The following RMDN2 variants were observed in gnomAD, a reference collection of about 807,000 sequenced individuals.
The protein encoded by RMDN2 is regulator of microtubule dynamics protein 2.
A neutral mutation model predicts 52.8 loss-of-function variants in RMDN2; 61 were observed. The ratio of observed to expected loss-of-function variants is 1.16; its 90% CI spans 0.94 to 1.43. RMDN2 has a LOEUF of 1.43. RMDN2 is among the 40% of genes most tolerant of loss of function. The pLI is 0.00. For missense variants in RMDN2, 592 were observed against 475.3 expected (o/e 1.25, Z -2.28); for synonymous variants, 180 against 153.1 (o/e 1.18, Z -1.30).
chr2:37,929,515 A>G lies in RMDN2; in HGVS notation c.238A>G (p.Asn80Asp). The G allele has an allele frequency of 6.4e-7, 1 of 1,551,820 alleles. No individual in the cohort carries two copies. Among genetic ancestry groups the G allele is most frequent in the Non-Finnish European group, 8.7e-7 (1 of 1,146,932 alleles). ...ERQLQILEKL[N>D]ELLTNMEELK... ...GCAACTTCAGATACTGGAGAAGTTA[A>G]ACGAATTACTGACAAATATGGAAGA... The change falls in exon 2 of 11, where the codon AAC becomes GAC. Residue 80 changes from asparagine (N) to aspartate (D), a missense_variant. Asn to Asp is a conservative substitution (Grantham distance 23). Transcript: ENST00000354545.
chr2:37,950,406 G>A (rs1347093673), intron 2 of RMDN2: 21 of 1,594,624 alleles, frequency 1.3e-5, no homozygotes, highest in Non-Finnish European at 9.4e-6. Context: ...ATAAACTGAT[G>A]TCATGAGATT....
rs140144127 is a variant in RMDN2 at position 37,994,019 on chromosome 2, G to T, written c.945+2722G>T. Among the ~76,000 whole-genome samples the T allele has an allele frequency of 1.6e-3, 244 of 152,258 alleles. 1 individual carries two copies. Among genetic ancestry groups the T allele is most frequent in the African/African-American group, 5.7e-3 (235 of 41,548 alleles). ...TTCACACCATAGAGAAATGGCAAAA[G>T]CACATGCTAATCCTCTGTAGAGGAA... On this transcript the variant is annotated intron_variant, in intron 7 of 10. Coordinates refer to ENST00000354545, the MANE Select transcript of RMDN2 (RefSeq NM_001170791.3).
intron 2 of RMDN2, among the ~76,000 whole-genome samples, chr2:37,944,232 A>T (rs1668035177): frequency 6.6e-6 from 1 of 151,788 alleles, no homozygotes; most frequent in African/African-American, 2.4e-5. Flanking sequence ...AGTTTGCTTT[A>T]GTTTTACAGT....
chr2:37,969,386 A>G (rs1486588154), intron 2 of RMDN2, among the ~76,000 whole-genome samples: 1 of 151,690 alleles, frequency 6.6e-6, no homozygotes, highest in Non-Finnish European at 1.5e-5. Context: ...TAATGTTTTC[A>G]GATATTATTT....
intron 10 of RMDN2, among the ~76,000 whole-genome samples, chr2:38,034,618 T>G (rs903755069): frequency 6.6e-6 from 1 of 151,966 alleles, no homozygotes; most frequent in Non-Finnish European, 1.5e-5. Flanking sequence ...ATTTTAATTT[T>G]AAAAATTTAT....
At chr2:38,043,196 G>A (rs1248625472) in intron 10 of RMDN2, among the ~76,000 whole-genome samples, 1 of 152,094 alleles carries the variant, frequency 6.6e-6, no homozygotes, top group African/African-American at 2.4e-5. Flanking sequence ...TACACATTGA[G>A]GATTGTTATG....
chr2:37,967,666 C>T (rs1005199918), intron 2 of RMDN2, among the ~76,000 whole-genome samples: 4 of 152,228 alleles, frequency 2.6e-5, no homozygotes, highest in Non-Finnish European at 4.4e-5. Flanking sequence ...GAGTATTCTT[C>T]TCCACCATGA....
intron 10 of RMDN2, chr2:38,028,090 T>C (rs534981543): frequency 9.2e-5 from 14 of 152,380 alleles, no homozygotes; most frequent in Admixed American, 2.0e-4. Context: ...TTTGCAATTG[T>C]AATTAATCAA....
chr2:38,058,250 G>C (rs547393992), intron 10 of RMDN2, among the ~76,000 whole-genome samples: 16 of 152,336 alleles, frequency 1.1e-4, no homozygotes, highest in African/African-American at 2.9e-4. Context: ...GCTAGGGAAG[G>C]GGGTGAAGGA....
intron 10 of RMDN2, among the ~76,000 whole-genome samples, chr2:38,050,221 A>C (rs4670809): frequency 0.45 from 67,857 of 151,168 alleles, 16,506 homozygotes; most frequent in East Asian, 0.79. Context: ...ATGTGCCTCC[A>C]CTCCTCTCAT....
chr2:38,051,830 T>G (rs1056484811), intron 10 of RMDN2, among the ~76,000 whole-genome samples: 1 of 152,228 alleles, frequency 6.6e-6, no homozygotes, highest in Non-Finnish European at 1.5e-5. Context: ...TCCAGTTCCA[T>G]CCATGTTACT....
intron 7 of RMDN2, among the ~76,000 whole-genome samples, chr2:37,996,622 G>T (rs903254972): frequency 1.4e-5 from 2 of 146,698 alleles, no homozygotes; most frequent in African/African-American, 2.6e-5. Context: ...AAAAAAAGAG[G>T]ATATTGGCTA....
intron 4 of RMDN2, among the ~76,000 whole-genome samples, chr2:37,978,069 G>C (rs996412237): frequency 6.6e-6 from 1 of 152,186 alleles, no homozygotes; most frequent in Non-Finnish European, 1.5e-5. Flanking sequence ...CTGCAATCCC[G>C]ACACCTCGGG....
intron 5 of RMDN2, among the ~76,000 whole-genome samples, chr2:37,986,789 A>T (rs1348029416): frequency 6.6e-6 from 1 of 152,056 alleles, no homozygotes; most frequent in East Asian, 1.9e-4. Context: ...AGCAAACTTT[A>T]TCAAGTTGAG....
intron 10 of RMDN2, among the ~76,000 whole-genome samples, chr2:38,047,874 C>T (rs1429889533): frequency 3.3e-5 from 5 of 152,144 alleles, no homozygotes; most frequent in African/African-American, 9.6e-5. Flanking sequence ...CTTCTATTTC[C>T]TTCTATGTCT....
At chr2:38,051,090 T>C (rs1017227585) in intron 10 of RMDN2, among the ~76,000 whole-genome samples, 14 of 152,136 alleles carry the variant, frequency 9.2e-5, no homozygotes, top group African/African-American at 3.1e-4. Flanking sequence ...TGAGCCTCTT[T>C]AGGAAAGACA....
At chr2:37,975,051 G>T in intron 3 of RMDN2, 161 bp from the exon 4 acceptor site, 1 of 621,718 alleles carries the variant, frequency 1.6e-6, no homozygotes, top group Non-Finnish European at 2.9e-6. Context: ...TGAGTATTTG[G>T]ATTAAAAATG....
chr2:38,047,754 C>T (rs996002729), intron 10 of RMDN2, among the ~76,000 whole-genome samples: 12 of 152,302 alleles, frequency 7.9e-5, no homozygotes, highest in South Asian at 2.1e-4. Flanking sequence ...TCTCCCATGA[C>T]GGTTAACTGT....
chr2:37,961,327 A>G (rs1407244464), intron 2 of RMDN2, among the ~76,000 whole-genome samples: 3 of 152,240 alleles, frequency 2.0e-5, no homozygotes, highest in Middle Eastern at 3.4e-3. Flanking sequence ...AGGTACACCA[A>G]TCAAACGTAG....
Sources: allele counts gnomAD v4.1 joint callset (sites outside exome capture counted in the v4.1 genomes callset), GRCh38; gene constraint gnomAD v4.1.1; transcripts MANE v1.5; gene names NCBI Gene and HGNC (gene_info 2026-07-23, HGNC 2026-07-21).